The following FLNB variants were observed in gnomAD, a reference collection of about 807,000 sequenced individuals.
FLNB encodes the protein filamin B, also known as filamin-B.
A neutral mutation model predicts 250.6 loss-of-function variants in FLNB; 111 were observed. The ratio of observed to expected loss-of-function variants is 0.44; its 90% CI spans 0.38 to 0.52. FLNB has a LOEUF of 0.52. Among genes scored for constraint, FLNB ranks in the 20% least tolerant of loss-of-function variants. The probability of loss-of-function intolerance (pLI) is 0.00; values close to 1 mark genes in which losing one functional copy is unlikely to be tolerated. For synonymous variants in FLNB, 1,302 were observed against 1,372.1 expected, an observed-to-expected ratio of 0.95 and a Z score of 1.13; for missense variants, 2,869 against 3,447.8, an observed-to-expected ratio of 0.83 and a Z score of 4.20.
intron 1 of FLNB, among the ~76,000 whole-genome samples, chr3:58,028,191 A>G (rs1192383488): frequency 6.6e-6 from 1 of 152,172 alleles, no homozygotes; most frequent in Non-Finnish European, 1.5e-5. Context: ...CCAGGGGTGT[A>G]GAGGGGCTAG....
Position 58,170,874 on chromosome 3 carries a change from T to A in FLNB, c.*112T>A. The A allele has an allele frequency of 2.1e-6, 2 of 952,016 alleles. No individual in the cohort carries two copies. The highest frequency in any genetic ancestry group is 1.6e-5 in the African/African-American group (1 of 61,456). The allele number at this position is 952,016 out of a possible 1,614,324, so 59.0% of individuals were successfully genotyped here. A position where few individuals can be genotyped will look rare whatever the true frequency, so the allele number is the denominator to read the frequency against. On this transcript the variant is annotated 3_prime_UTR_variant, in exon 46 of 46. Transcript: ENST00000295956. ...GTTTGTGGGGCTGAAACCCCATCCC[T>A]AAAATATTGCTGTTGTAAAATGCCT...
chr3:58,115,831 A>C (rs2097276917), intron 18 of FLNB, among the ~76,000 whole-genome samples: 1 of 152,146 alleles, frequency 6.6e-6, no homozygotes, highest in Non-Finnish European at 1.5e-5. Context: ...CCTCAGGTAA[A>C]TCACAAGTGT....
intron 1 of FLNB, among the ~76,000 whole-genome samples, chr3:58,019,485 G>A (rs1453014117): frequency 2.0e-5 from 3 of 152,120 alleles, no homozygotes; most frequent in African/African-American, 7.2e-5. Context: ...GTTGACATCT[G>A]TTTCCATTTT....
chr3:58,010,674 T>C (rs2097097262), intron 1 of FLNB, among the ~76,000 whole-genome samples: 1 of 152,168 alleles, frequency 6.6e-6, no homozygotes, highest in Admixed American at 6.5e-5. Context: ...TTTAATTAAC[T>C]GAATAAAGAA....
At chr3:58,047,677 G>T (rs949047124) in intron 1 of FLNB, among the ~76,000 whole-genome samples, 2 of 151,800 alleles carry the variant, frequency 1.3e-5, no homozygotes, top group African/African-American at 4.8e-5. Flanking sequence ...GGGTTCAAGC[G>T]ATTCTCCTGC....
At chr3:58,028,467 G>A (rs1429740539) in intron 1 of FLNB, among the ~76,000 whole-genome samples, 1 of 151,662 alleles carries the variant, frequency 6.6e-6, no homozygotes, top group African/African-American at 2.4e-5. Flanking sequence ...ATACATTAAA[G>A]TTGTGTTGGC....
intron 1 of FLNB, among the ~76,000 whole-genome samples, chr3:58,044,552 C>T (rs1264742725): frequency 2.0e-5 from 3 of 152,116 alleles, no homozygotes; most frequent in Non-Finnish European, 2.9e-5. Flanking sequence ...TTGAGCCTGG[C>T]GGGTCGAGGT....
chr3:58,015,099 G>C (rs183899476), intron 1 of FLNB, among the ~76,000 whole-genome samples: 6 of 152,142 alleles, frequency 3.9e-5, no homozygotes, highest in Admixed American at 3.9e-4. Flanking sequence ...TCAGGGCCTC[G>C]GTCTGAAGCT....
intron 12 of FLNB, among the ~76,000 whole-genome samples, chr3:58,108,210 G>T (rs941368618): frequency 2.0e-5 from 3 of 152,192 alleles, no homozygotes; most frequent in African/African-American, 7.2e-5. Context: ...ATCCTGGGCC[G>T]CATGCGGGCT....
At chr3:58,079,309 G>T (rs932909099) in intron 3 of FLNB, among the ~76,000 whole-genome samples, 87 of 150,172 alleles carry the variant, frequency 5.8e-4, no homozygotes, top group African/African-American at 2.1e-3. Context: ...CTGGAGTGCA[G>T]TGGTGTGATC....
chr3:58,146,566 C>T, intron 33 of FLNB: 1 of 505,034 alleles, frequency 2.0e-6, no homozygotes, highest in Middle Eastern at 5.5e-4. Context: ...TCATCCCATG[C>T]ATCCTGAGAG....
intron 18 of FLNB, among the ~76,000 whole-genome samples, chr3:58,115,851 G>T (rs1241578805): frequency 6.6e-6 from 1 of 152,198 alleles, no homozygotes; most frequent in East Asian, 1.9e-4. Context: ...TGAATGACTT[G>T]CAGGGTGGCA....
At chr3:58,144,978 G>A (rs1375883370) in intron 32 of FLNB, among the ~76,000 whole-genome samples, 1 of 152,226 alleles carries the variant, frequency 6.6e-6, no homozygotes, top group Non-Finnish European at 1.5e-5. Flanking sequence ...TAAGAGCAAT[G>A]TAAACATTGG....
At chr3:58,074,421 A>G (rs150537136) in intron 1 of FLNB, among the ~76,000 whole-genome samples, 448 of 152,294 alleles carry the variant, frequency 2.9e-3, no homozygotes, top group African/African-American at 0.01. Context: ...TGGTTCCAAA[A>G]TCAGATTATC....
intron 21 of FLNB, 35 bp from the exon 22 acceptor site, chr3:58,124,297 C>T: frequency 6.2e-7 from 1 of 1,613,144 alleles, no homozygotes. Context: ...GTCTGGGGTA[C>T]TGGTGGCAGT....
At chr3:58,122,458 A>G (rs978841291) in intron 20 of FLNB, among the ~76,000 whole-genome samples, 1 of 150,568 alleles carries the variant, frequency 6.6e-6, no homozygotes, top group Admixed American at 6.7e-5. Context: ...GTGCCACTGC[A>G]CTCCAGCCTG....
At chr3:58,047,452 A>C (rs1017606094) in intron 1 of FLNB, among the ~76,000 whole-genome samples, 1 of 152,184 alleles carries the variant, frequency 6.6e-6, no homozygotes, top group Middle Eastern at 3.2e-3. Flanking sequence ...TCTTATAGAT[A>C]GTATGAAAGA....
In FLNB at chr3:58,083,015, G is replaced by C. The variant is rs1189908877; in HGVS notation, c.787+1239G>C. On this transcript the variant is annotated intron_variant, in intron 4 of 45. Transcript: ENST00000295956. ...CATCACTAAGCTTCTCCTAAGAATA[G>C]GATATCCTCTAGCATAACCACAGTA... Among the ~76,000 whole-genome samples, 5 of 152,264 alleles carry C rather than the reference G, an allele frequency of 3.3e-5. No homozygotes were observed. In the South Asian group the frequency reaches 6.2e-4, roughly 19 times the overall value.
chr3:58,105,231 C>A lies in FLNB; in HGVS notation c.1747+15C>A, dbSNP rs1034205624. On this transcript the variant is annotated intron_variant, in intron 11 of 45. Coordinates refer to ENST00000295956, the MANE Select transcript of FLNB (RefSeq NM_001457.4). ...GGGGTCTCTGGGTAAGTGGACACAG[C>A]TGACCAGCATCTTCTGGAGGACTGA... The A allele has an allele frequency of 1.2e-6, 2 of 1,614,058 alleles. No individual in the cohort carries two copies.
Sources: gnomAD v4.1 joint callset for allele counts (sites outside exome capture counted in the v4.1 genomes callset) on GRCh38, gnomAD v4.1.1 for gene constraint, MANE v1.5 for transcripts, NCBI Gene and HGNC (gene_info 2026-07-23, HGNC 2026-07-21) for gene names.